ACOT11: variants seen among roughly 807,000 people sequenced by gnomAD.
The protein encoded by ACOT11 is acyl-CoA thioesterase 11.
A neutral mutation model predicts 77.5 loss-of-function variants in ACOT11; 69 were observed. The observed-to-expected ratio is 0.89, with a 90% CI of 0.73 to 1.09. The LOEUF is 1.09. Among genes scored for constraint, ACOT11 ranks in the 50% least tolerant of loss-of-function variants. The pLI is 0.00. For synonymous variants in ACOT11, 279 were observed against 313.0 expected (o/e 0.89, Z 1.15); for missense variants, 766 against 813.7 (o/e 0.94, Z 0.71).
chr1:54,615,841 G>C (rs1044005217), intron 15 of ACOT11, among the ~76,000 whole-genome samples: 4 of 152,194 alleles, frequency 2.6e-5, no homozygotes, highest in Non-Finnish European at 5.9e-5. Context: ...GCACTGACAT[G>C]CTCCCCATCT....
chr1:54,610,115 G>A lies in ACOT11; in HGVS notation c.*1003G>A, dbSNP rs955609765. On this transcript the variant is annotated 3_prime_UTR_variant, in exon 16 of 16. Transcript: ENST00000343744. ...GATGGGTTGCTTTATAAATGTGCCT[G>A]GTGCATGAGAAACTCTTGTTTCAGC... 7.7e-6 allele frequency: 11 copies of A among 1,433,824 alleles called. No individual in the cohort carries two copies. The highest frequency in any genetic ancestry group is 1.0e-5 in the Non-Finnish European group (11 of 1,099,656). The allele number at this position is 1,433,824 out of a possible 1,614,324, so 88.8% of individuals were successfully genotyped here.
At position 54,597,369 on chromosome 1, in the gene ACOT11, G is replaced by A. The variant is rs768931947; in HGVS notation, c.718G>A (p.Gly240Ser). The A allele has an allele frequency of 2.5e-6, 4 of 1,613,736 alleles. No individual in the cohort carries two copies. The South Asian group carries it at 4.4e-5, about 18-fold the overall frequency. ...HANHQGNTFGGQIMAWMENVA... is the reference protein window; with the variant it reads ...HANHQGNTFGSQIMAWMENVA... ...CAATCACCAGGGCAACACCTTTGGG[G>A]GCCAGATCATGGCCTGGATGGAGAA... Residue 240 changes from glycine to serine, a missense_variant, in exon 7 of 16, where the codon GGC (glycine) becomes AGC (serine). By Grantham distance (56) the Gly-to-Ser change is moderately conservative. Transcript: ENST00000343744.
At chr1:54,563,967 G>A (rs2100951915) in intron 1 of ACOT11, among the ~76,000 whole-genome samples, 1 of 152,154 alleles carries the variant, frequency 6.6e-6, no homozygotes, top group South Asian at 2.1e-4. Context: ...TCGGGAGGCT[G>A]AGGCAGGAGA....
At chr1:54,550,045 C>T (rs1235745583) in intron 1 of ACOT11, among the ~76,000 whole-genome samples, 1 of 152,176 alleles carries the variant, frequency 6.6e-6, no homozygotes, top group East Asian at 1.9e-4. Flanking sequence ...GAGGTAGGTA[C>T]AGTTATCATC....
Position 54,627,802 on chromosome 1 carries a change from G to A in ACOT11, c.1630-2932G>A, listed in dbSNP as rs1644280060. Among the ~76,000 whole-genome samples, 4 of 133,568 alleles carry A rather than the reference G, an allele frequency of 3.0e-5. 1 individual carries two copies. Among genetic ancestry groups the A allele is most frequent in the Admixed American group, 7.7e-5 (1 of 12,988 alleles). The allele number at this position is 133,568 out of a possible 152,430, so 87.6% of individuals were successfully genotyped here. On this transcript the variant is annotated intron_variant, in intron 15 of 16. Coordinates refer to the ACOT11 transcript ENST00000371316. ...TTGGCTGACTCGGAGAACCATCAGG[G>A]ACGGGGGCTAGGGAAGACCTTCCAG...
intron 1 of ACOT11, among the ~76,000 whole-genome samples, chr1:54,551,130 C>CAAGAAAAAAAAAAAAAAAAAAAAAAAAA (rs1653050033): frequency 1.1e-5 from 1 of 90,954 alleles, no homozygotes; most frequent in Non-Finnish European, 2.1e-5. Context: ...ACAGTGGTCT[C>CAAGAAAAAAAAAAAAAAAAAAAAAAAAA]AAAAAAAAAA....
rs2101004599 is a variant in ACOT11 at position 54,605,138 on chromosome 1, T to C, written c.1299T>C (p.His433=). 3 of 1,613,950 alleles carry C rather than the reference T, an allele frequency of 1.9e-6. No individual in the cohort carries two copies. The highest frequency in any genetic ancestry group is 2.5e-6 in the Non-Finnish European group (3 of 1,180,006). ...CCTTCCACATGGAGATGGTGGTGCA[T>C]GTGGATGCAGCCCAGGCCTTCCTGC... The part of the protein sequence containing the change: ...FLSFHMEMVV[H]VDAAQAFLLL... The change falls in exon 13 of 16, where the codon CAT becomes CAC. Residue 433 remains histidine, a synonymous_variant. Coordinates refer to ENST00000343744, the MANE Select transcript of ACOT11 (RefSeq NM_147161.4).
At chr1:54,619,302 T>C (rs969069920) in intron 15 of ACOT11, among the ~76,000 whole-genome samples, 2 of 152,210 alleles carry the variant, frequency 1.3e-5, no homozygotes, top group Non-Finnish European at 2.9e-5. Flanking sequence ...GGGTCAAGCG[T>C]CACGCAGTGG....
downstream of ACOT11, chr1:54,610,648 C>A: frequency 6.5e-7 from 1 of 1,528,442 alleles, no homozygotes; most frequent in Non-Finnish European, 8.8e-7. Context: ...GCTCTACGGG[C>A]ATCCTCTCTA....
At chr1:54,601,208 G>T in intron 8 of ACOT11, 61 bp from the exon 9 acceptor site, 1 of 1,570,912 alleles carries the variant, frequency 6.4e-7, no homozygotes, top group Non-Finnish European at 8.6e-7. Context: ...TGTGTGTTGG[G>T]GAGGAGGCAT....
chr1:54,626,582 A>G (rs1039699571), intron 15 of ACOT11, among the ~76,000 whole-genome samples: 1 of 152,176 alleles, frequency 6.6e-6, no homozygotes, highest in Admixed American at 6.5e-5. Context: ...AGTCACCTCT[A>G]TGTTAAGTTC....
In ACOT11 at chr1:54,609,642, C is replaced by G. The variant is rs757537816; in HGVS notation, c.*530C>G. 1.2e-6 allele frequency: 2 copies of G among 1,613,926 alleles called. No individual in the cohort carries two copies. Among genetic ancestry groups the G allele is most frequent in the Non-Finnish European group, 1.7e-6 (2 of 1,180,052 alleles). On this transcript the variant is annotated 3_prime_UTR_variant, in exon 16 of 16. Transcript: ENST00000343744. ...ACCTCAGCCACAGCTGTAAGCAGCT[C>G]TCTGCCAGCCACATGGCCGGGGACC...
At chr1:54,567,061 C>G (rs1027213085) in intron 1 of ACOT11, among the ~76,000 whole-genome samples, 1 of 152,044 alleles carries the variant, frequency 6.6e-6, no homozygotes, top group African/African-American at 2.4e-5. Flanking sequence ...TCTTAAATAC[C>G]CATATATGTT....
At chr1:54,576,073 G>A (rs1047352558) in intron 1 of ACOT11, among the ~76,000 whole-genome samples, 1 of 152,204 alleles carries the variant, frequency 6.6e-6, no homozygotes, top group African/African-American at 2.4e-5. Flanking sequence ...GAGTTTCTCA[G>A]ACTGGGGTTT....
intron 4 of ACOT11, 54 bp from the exon 5 acceptor site, chr1:54,593,887 A>G (rs867605012): frequency 7.4e-6 from 11 of 1,490,280 alleles, no homozygotes; most frequent in Non-Finnish European, 3.7e-6. Flanking sequence ...GGGGCTTCTA[A>G]CTGGTGAGTG....
At chr1:54,553,240 G>T (rs146908897) in intron 1 of ACOT11, among the ~76,000 whole-genome samples, 1 of 151,642 alleles carries the variant, frequency 6.6e-6, no homozygotes, top group Non-Finnish European at 1.5e-5. Context: ...AATGGGCCAG[G>T]CATGGTGGCT....
At chr1:54,619,988 G>A (rs1644213931) in intron 15 of ACOT11, 1 of 1,613,740 alleles carries the variant, frequency 6.2e-7, no homozygotes, top group East Asian at 2.2e-5. Flanking sequence ...CATCAGGGCT[G>A]CAGGCCTCCA....
At chr1:54,613,389 A>C (rs975368923), downstream of ACOT11, among the ~76,000 whole-genome samples, 5 of 151,820 alleles carry the variant, frequency 3.3e-5, no homozygotes, top group South Asian at 2.1e-4. Context: ...AAAAAAAAAA[A>C]ACTTTTTTTC....
chr1:54,634,586 CA>C (rs1271508005), intron 16 of ACOT11: 2 of 675,894 alleles, frequency 3.0e-6, no homozygotes, highest in African/African-American at 3.6e-5. Flanking sequence ...AGCCCATACA[CA>C]ATTGAATCTA....
Sources: gnomAD v4.1 joint callset for allele counts (sites outside exome capture counted in the v4.1 genomes callset) on GRCh38, gnomAD v4.1.1 for gene constraint, MANE v1.5 for transcripts, NCBI Gene and HGNC (gene_info 2026-07-23, HGNC 2026-07-21) for gene names.